Variants in ASH1L observed in about 807,000 individuals in gnomAD.
The protein encoded by ASH1L is ASH1 like histone lysine methyltransferase.
Under a neutral mutation model 269.0 loss-of-function variants are expected in ASH1L, and 23 were observed. The ratio of observed to expected loss-of-function variants is 0.09; its 90% CI spans 0.06 to 0.12. The LOEUF is 0.12. ASH1L is among the 10% of genes least tolerant of loss of function. The probability of loss-of-function intolerance (pLI) is 1.00; values close to 1 mark genes in which losing one functional copy is unlikely to be tolerated. For missense variants in ASH1L, 2,912 were observed against 3,567.8 expected (o/e 0.82, Z 4.68); for synonymous variants, 1,187 against 1,253.5 (o/e 0.95, Z 1.12).
chr1:155,380,187 A>G, intron 7 of ASH1L, 71 bp from the exon 8 acceptor site: 1 of 1,093,570 alleles, frequency 9.1e-7, no homozygotes, highest in Non-Finnish European at 1.4e-6. Context: ...TCAAACAGCT[A>G]CAAGAACTAA....
chr1:155,473,492 AT>A (rs774259211), intron 3 of ASH1L, among the ~76,000 whole-genome samples: 412 of 127,680 alleles, frequency 3.2e-3, no homozygotes, highest in Middle Eastern at 4.1e-3. Flanking sequence ...TAGTATTTCT[AT>A]TTTTTTTTTT....
chr1:155,533,669 G>T (rs796407056), intron 1 of ASH1L, among the ~76,000 whole-genome samples: 1 of 148,810 alleles, frequency 6.7e-6, no homozygotes, highest in African/African-American at 2.5e-5. Flanking sequence ...AGCCCAGATC[G>T]CACCGCTGCA....
chr1:155,364,677 C>T (rs536563012), intron 12 of ASH1L, among the ~76,000 whole-genome samples: 4 of 152,120 alleles, frequency 2.6e-5, no homozygotes, highest in Middle Eastern at 3.4e-3. Context: ...TGGTGGCTCA[C>T]ACTTGCAATC....
chr1:155,453,723 C>T (rs1180437412), intron 4 of ASH1L, among the ~76,000 whole-genome samples: 2 of 151,858 alleles, frequency 1.3e-5, no homozygotes, highest in South Asian at 2.1e-4. Context: ...CACTTGAACC[C>T]GGGAGGCAGA....
At chr1:155,554,767 G>A (rs11264382) in intron 1 of ASH1L, among the ~76,000 whole-genome samples, 107 of 152,274 alleles carry the variant, frequency 7.0e-4, no homozygotes, top group African/African-American at 2.5e-3. Flanking sequence ...AAATGGGTAT[G>A]GTGGAAGCAC....
At chr1:155,440,455 G>T in intron 4 of ASH1L, 1 of 366,202 alleles carries the variant, frequency 2.7e-6, no homozygotes, top group Non-Finnish European at 3.8e-6. Flanking sequence ...AAATTTAACT[G>T]CGGAGGTCCT....
Position 155,480,623 on chromosome 1 carries a change from T to C in ASH1L, c.2247A>G (p.Ser749=). The C allele has an allele frequency of 6.2e-7, 1 of 1,614,184 alleles. No homozygotes were observed. Among genetic ancestry groups the C allele is most frequent in the Non-Finnish European group, 8.5e-7 (1 of 1,180,008 alleles). Residue 749 remains serine, a synonymous_variant, in exon 3 of 28, where the codon TCA becomes TCG. Coordinates refer to ENST00000392403, the MANE Select transcript of ASH1L (RefSeq NM_018489.3). Reference sequence around the variant, plus strand: ...CTGGCTCAGAATTACTATTTGATAGTGAGCTACATGAAACGTTTTTAAAAA... The same window carrying C: ...CTGGCTCAGAATTACTATTTGATAGCGAGCTACATGAAACGTTTTTAAAAA... ...SELFKNVSCS[S]LSNSNSEPAK... is the part of the protein sequence containing the mutation.
chr1:155,517,286 G>A (rs562484917), intron 2 of ASH1L, among the ~76,000 whole-genome samples: 18 of 152,130 alleles, frequency 1.2e-4, no homozygotes, highest in Non-Finnish European at 2.4e-4. Flanking sequence ...GGAGTTTGAG[G>A]CTGCAGTGAG....
intron 2 of ASH1L, among the ~76,000 whole-genome samples, chr1:155,515,521 T>C (rs1417231898): frequency 6.6e-6 from 1 of 152,124 alleles, no homozygotes; most frequent in Non-Finnish European, 1.5e-5. Context: ...AGCCTAGTTA[T>C]GATGATTTAA....
chr1:155,522,581 A>G (rs1668962933), intron 1 of ASH1L, among the ~76,000 whole-genome samples: 1 of 152,202 alleles, frequency 6.6e-6, no homozygotes, highest in Non-Finnish European at 1.5e-5. Context: ...TTATTTTACA[A>G]TAGGTGATAC....
At chr1:155,401,030 G>T (rs1207903715) in intron 6 of ASH1L, among the ~76,000 whole-genome samples, 1 of 152,024 alleles carries the variant, frequency 6.6e-6, no homozygotes, top group African/African-American at 2.4e-5. Flanking sequence ...GCGTAGTGGT[G>T]TACGCCTCTA....
chr1:155,418,817 C>T (rs1430970166), intron 5 of ASH1L, among the ~76,000 whole-genome samples: 2 of 152,168 alleles, frequency 1.3e-5, no homozygotes, highest in Non-Finnish European at 1.5e-5. Flanking sequence ...CGCCTGTAAT[C>T]CCAGCACTTT....
Position 155,352,831 on chromosome 1 carries a change from A to G in ASH1L, c.7241T>C (p.Leu2414Pro). The G allele has an allele frequency of 6.2e-7, 1 of 1,610,836 alleles. No individual in the cohort carries two copies. The highest frequency in any genetic ancestry group is 8.5e-7 in the Non-Finnish European group (1 of 1,179,120). ...SDVFMTQFSA[L>P]QTARSVRTRR... is the part of the protein sequence containing the mutation. Reference sequence around the variant, plus strand: ...TGTTCGAACAGATCGAGCTGTCTGCAGGGCAGAGAACTGGGTCATGAAGAC... The same window carrying G: ...TGTTCGAACAGATCGAGCTGTCTGCGGGGCAGAGAACTGGGTCATGAAGAC... Residue 2414 changes from leucine (L) to proline (P), a missense_variant, in exon 17 of 28, where the codon CTG becomes CCG. Transcript: ENST00000392403.
chr1:155,433,743 A>T, intron 5 of ASH1L: 1 of 1,603,318 alleles, frequency 6.2e-7, no homozygotes, highest in South Asian at 1.1e-5. Flanking sequence ...TGCCGCTTTG[A>T]GGGTCTGCAG....
At chr1:155,496,629 T>C (rs1332988891) in intron 2 of ASH1L, among the ~76,000 whole-genome samples, 4 of 152,002 alleles carry the variant, frequency 2.6e-5, no homozygotes, top group African/African-American at 9.7e-5. Context: ...TACTACTAGT[T>C]TTTCTTTTCT....
chr1:155,485,468 A>G (rs183783052), intron 2 of ASH1L, among the ~76,000 whole-genome samples: 233 of 152,304 alleles, frequency 1.5e-3, no homozygotes, highest in Non-Finnish European at 3.0e-3. Context: ...TAACAGGCAC[A>G]AGCCATCTTG....
chr1:155,501,555 G>GAGACC (rs1349643698), intron 2 of ASH1L, among the ~76,000 whole-genome samples: 1 of 152,120 alleles, frequency 6.6e-6, no homozygotes, highest in Non-Finnish European at 1.5e-5. Flanking sequence ...ATTTTTAGTA[G>GAGACC]AGACCAGGTT....
chr1:155,433,952 C>T, intron 5 of ASH1L: 3 of 1,580,660 alleles, frequency 1.9e-6, no homozygotes, highest in Non-Finnish European at 2.6e-6. Flanking sequence ...ACCCACACTG[C>T]AGCAGATCAG....
chr1:155,539,789 ATTGAGGCCAAGGCAGGAAGATCGC>A (rs1330695287), intron 1 of ASH1L, among the ~76,000 whole-genome samples: 12 of 151,424 alleles, frequency 7.9e-5, no homozygotes, highest in South Asian at 6.3e-4. Flanking sequence ...ATCCCAGCAC[ATTGAGGCCAAGGCAGGAAGATCGC>A]TTGAGGCCAA....
Sources: allele counts gnomAD v4.1 joint callset (sites outside exome capture counted in the v4.1 genomes callset), GRCh38; gene constraint gnomAD v4.1.1; transcripts MANE v1.5; gene names NCBI Gene and HGNC (gene_info 2026-07-23, HGNC 2026-07-21).